The following PRKG1 variants were observed in gnomAD, a reference collection of about 807,000 sequenced individuals.
PRKG1 encodes the protein cGMP-dependent protein kinase 1.
Under a neutral mutation model 88.1 loss-of-function variants are expected in PRKG1, and 35 were observed. That is an observed-to-expected ratio of 0.40 (90% CI 0.30 to 0.53). The LOEUF (loss-of-function observed/expected upper bound fraction) is 0.53, where lower values mean the gene tolerates loss of function less well. Among genes scored for constraint, PRKG1 ranks in the 20% least tolerant of loss-of-function variants. The pLI, the probability that PRKG1 is intolerant of heterozygous loss-of-function variation, is 0.59. For synonymous variants in PRKG1, 303 were observed against 292.5 expected (o/e 1.04, Z -0.37); for missense variants, 540 against 839.8 (o/e 0.64, Z 4.41).
chr10:52,151,049 T>A lies in PRKG1; in HGVS notation c.1002-10840T>A, dbSNP rs370684301. Among the ~76,000 whole-genome samples, 377 of 152,294 alleles carry A rather than the reference T, an allele frequency of 2.5e-3. 1 individual carries two copies. Among genetic ancestry groups the A allele is most frequent in the Admixed American group, 4.3e-3 (66 of 15,296 alleles). ...GCCAATTATACGAATTTGTAAATTT[T>A]AAATAATTTGTAAGTAGAGGAGCCT... is the stretch of plus-strand genomic sequence containing the variant. On this transcript the variant is annotated intron_variant, in intron 8 of 17. Transcript: ENST00000373980.
intron 3 of PRKG1, among the ~76,000 whole-genome samples, chr10:51,726,774 TTTTG>T (rs990241999): frequency 4.8e-4 from 73 of 152,280 alleles, no homozygotes; most frequent in Admixed American, 3.7e-3. Context: ...GTCTGACATA[TTTTG>T]TTTGTTTGTT....
intron 3 of PRKG1, among the ~76,000 whole-genome samples, chr10:51,628,961 G>A (rs1228496283): frequency 1.9e-5 from 1 of 51,368 alleles, no homozygotes; most frequent in Non-Finnish European, 4.0e-5. Flanking sequence ...GCGAGACTCC[G>A]TCTCAAAAAA....
chr10:52,019,010 G>C (rs1272133584), intron 5 of PRKG1, among the ~76,000 whole-genome samples: 4 of 152,114 alleles, frequency 2.6e-5, no homozygotes, highest in Admixed American at 6.6e-5. Context: ...TGGACAGCTG[G>C]AGAATGCAAG....
intron 3 of PRKG1, among the ~76,000 whole-genome samples, chr10:51,545,369 A>AT (rs1842421236): frequency 6.6e-6 from 1 of 152,092 alleles, no homozygotes; most frequent in Non-Finnish European, 1.5e-5. Flanking sequence ...TTAGTAATGA[A>AT]TTTGTCCTCA....
chr10:51,656,633 A>G (rs770412299), intron 3 of PRKG1, among the ~76,000 whole-genome samples: 1 of 151,726 alleles, frequency 6.6e-6, no homozygotes, highest in Non-Finnish European at 1.5e-5. Flanking sequence ...TCATTTGCCT[A>G]CTCTCTCTTT....
chr10:51,316,935 A>G (rs913649183), intron 2 of PRKG1, among the ~76,000 whole-genome samples: 4 of 152,146 alleles, frequency 2.6e-5, no homozygotes, highest in African/African-American at 9.7e-5. Context: ...AGCTGGGTGC[A>G]TAAAATGAAC....
intron 2 of PRKG1, among the ~76,000 whole-genome samples, chr10:51,381,354 G>C (rs1837097812): frequency 6.9e-6 from 1 of 145,448 alleles, no homozygotes; most frequent in Non-Finnish European, 1.5e-5. Context: ...AAATGAGTGA[G>C]TGAATGAATG....
chr10:52,250,787 GA>G (rs1841150749), intron 9 of PRKG1, among the ~76,000 whole-genome samples: 1 of 152,086 alleles, frequency 6.6e-6, no homozygotes, highest in African/African-American at 2.4e-5. Context: ...GTCTCATCAG[GA>G]GAAGCTTATT....
intron 13 of PRKG1, among the ~76,000 whole-genome samples, chr10:52,281,895 A>G (rs1353441223): frequency 6.6e-6 from 1 of 152,116 alleles, no homozygotes; most frequent in African/African-American, 2.4e-5. Context: ...AATGAAAACT[A>G]TATTCGGAAA....
intron 4 of PRKG1, among the ~76,000 whole-genome samples, chr10:51,847,101 T>C (rs1840417687): frequency 6.6e-6 from 1 of 152,160 alleles, no homozygotes; most frequent in African/African-American, 2.4e-5. Context: ...ATCACATTCC[T>C]TGGCCTCCCT....
chr10:51,265,919 T>TAC (rs1471263787), intron 2 of PRKG1, among the ~76,000 whole-genome samples: 1 of 152,190 alleles, frequency 6.6e-6, no homozygotes, highest in African/African-American at 2.4e-5. Flanking sequence ...TTTAAGGAAC[T>TAC]ACAGTTTGTT....
At chr10:51,481,680 A>G (rs1840365024) in intron 3 of PRKG1, among the ~76,000 whole-genome samples, 1 of 151,824 alleles carries the variant, frequency 6.6e-6, no homozygotes, top group Middle Eastern at 3.4e-3. Context: ...TCTTGCTTTT[A>G]TTTCTCTTGT....
intron 2 of PRKG1, among the ~76,000 whole-genome samples, chr10:51,305,605 A>G (rs1258132789): frequency 1.3e-5 from 2 of 152,172 alleles, no homozygotes; most frequent in Non-Finnish European, 1.5e-5. Flanking sequence ...GCATGAACAG[A>G]ATGTTCTATA....
chr10:51,819,006 CAAAAAAAAAAAAAAAAAAAAAAA>C (rs869048560), intron 4 of PRKG1, among the ~76,000 whole-genome samples: 2 of 18,346 alleles, frequency 1.1e-4, no homozygotes, highest in Non-Finnish European at 7.7e-5. Context: ...GACTCCGTCT[CAAAAAAAAAAAAAAAAAAAAAAA>C]AAAAAAAAAA....
Position 52,296,954 on chromosome 10 carries a change from A to G in PRKG1, c.*3054A>G, listed in dbSNP as rs1842397530. The G allele has an allele frequency of 6.6e-6, 1 of 152,108 alleles. No homozygotes were observed. The highest frequency in any genetic ancestry group is 2.4e-5 in the African/African-American group (1 of 41,442). 9.4% of individuals were successfully genotyped at this position (152,108 alleles called of 1,614,324 possible). A position where few individuals can be genotyped will look rare whatever the true frequency, so the allele number is the denominator to read the frequency against. ...TTACACATGTGTAGTAATAAACTCA[A>G]CTATTGAATTTTTCCTGTTTCATTT... On this transcript the variant is annotated 3_prime_UTR_variant, in exon 18 of 18. Coordinates refer to ENST00000373980, the MANE Select transcript of PRKG1 (RefSeq NM_006258.4).
At chr10:51,007,535 C>A (rs1157828205) in intron 1 of PRKG1, among the ~76,000 whole-genome samples, 1 of 152,178 alleles carries the variant, frequency 6.6e-6, no homozygotes. Context: ...CATAAGCACA[C>A]ACAGCTGTAG....
chr10:51,771,369 C>T (rs188808547), intron 3 of PRKG1, among the ~76,000 whole-genome samples: 1 of 152,052 alleles, frequency 6.6e-6, no homozygotes, highest in Non-Finnish European at 1.5e-5. Flanking sequence ...AGAGTTGTAC[C>T]TGGAAGCATT....
intron 3 of PRKG1, among the ~76,000 whole-genome samples, chr10:51,640,188 T>TG (rs1839762631): frequency 6.6e-6 from 1 of 152,114 alleles, no homozygotes; most frequent in Non-Finnish European, 1.5e-5. Context: ...ACATGGTAGA[T>TG]GGGGGGAAAT....
chr10:51,787,938 G>A (rs375811430), intron 3 of PRKG1, among the ~76,000 whole-genome samples: 22 of 152,258 alleles, frequency 1.4e-4, no homozygotes, highest in African/African-American at 5.3e-4. Flanking sequence ...TTGATGGAAG[G>A]ACTGGAGGAG....
Sources: allele counts gnomAD v4.1 joint callset (sites outside exome capture counted in the v4.1 genomes callset), GRCh38; gene constraint gnomAD v4.1.1; transcripts MANE v1.5; gene names NCBI Gene and HGNC (gene_info 2026-07-23, HGNC 2026-07-21).